THRB: variants seen among roughly 807,000 people sequenced by gnomAD.
THRB encodes thyroid hormone receptor beta, also known as nuclear receptor subfamily 1 group A member 2.
In THRB, 12 loss-of-function variants were observed where a neutral mutation model predicts 47.8. That is an observed-to-expected ratio of 0.25 (90% CI 0.16 to 0.41). The LOEUF (loss-of-function observed/expected upper bound fraction) is 0.41. THRB is among the 10% of genes least tolerant of loss of function. The pLI is 1.00. For missense variants in THRB, 348 were observed against 589.2 expected, an observed-to-expected ratio of 0.59 and a Z score of 4.24; for synonymous variants, 218 against 212.2, an observed-to-expected ratio of 1.03 and a Z score of -0.24.
intron 3 of THRB, among the ~76,000 whole-genome samples, chr3:24,294,794 T>G (rs547652094): frequency 6.6e-6 from 1 of 152,292 alleles, no homozygotes; most frequent in African/African-American, 2.4e-5. Context: ...GGGTCTAGAA[T>G]TCTGTATTTC....
chr3:24,418,072 C>T (rs928140790), intron 1 of THRB, among the ~76,000 whole-genome samples: 9 of 151,348 alleles, frequency 5.9e-5, no homozygotes, highest in Non-Finnish European at 1.0e-4. Flanking sequence ...TTTTCCTTCC[C>T]TCCTCCTCCC....
At chr3:24,423,737 T>C (rs2069493074) in intron 1 of THRB, among the ~76,000 whole-genome samples, 2 of 151,888 alleles carry the variant, frequency 1.3e-5, no homozygotes, top group South Asian at 2.1e-4. Context: ...TGGGTAATTA[T>C]GTTAATCAGT....
chr3:24,363,523 C>T (rs1277326738), intron 1 of THRB, among the ~76,000 whole-genome samples: 1 of 152,094 alleles, frequency 6.6e-6, no homozygotes, highest in East Asian at 1.9e-4. Flanking sequence ...ACAACACATT[C>T]ATTTGTATGG....
At chr3:24,477,085 G>GGTGT (rs71855335) in intron 1 of THRB, among the ~76,000 whole-genome samples, 4,503 of 137,604 alleles carry the variant, frequency 0.033, 221 homozygotes, top group African/African-American at 0.11. Context: ...CATATAAAGG[G>GGTGT]GTGTGTGTGT....
intron 1 of THRB, among the ~76,000 whole-genome samples, chr3:24,345,089 G>A (rs892219544): frequency 1.3e-5 from 2 of 152,132 alleles, no homozygotes; most frequent in African/African-American, 4.8e-5. Context: ...GAAAGGCAGA[G>A]ATCAAATCCT....
At position 24,405,254 on chromosome 3, in the gene THRB, G is replaced by A. The variant is rs188727037; in HGVS notation, c.-260-67883C>T. ...AACATGTCACAGGTCTATTGCAGGC[G>A]TTGGCACGCTATATTCTGTGGGCCA... On this transcript the variant is annotated intron_variant, in intron 1 of 10. Transcript: ENST00000646209. Among the ~76,000 whole-genome samples, 14 of 152,022 alleles carry A rather than the reference G, an allele frequency of 9.2e-5. No individual in the cohort carries two copies. In the East Asian group the frequency reaches 1.2e-3, roughly 13 times the overall value.
intron 1 of THRB, among the ~76,000 whole-genome samples, chr3:24,398,829 A>G (rs1267989768): frequency 1.3e-5 from 2 of 152,180 alleles, no homozygotes; most frequent in Admixed American, 6.6e-5. Context: ...GAACCAACCC[A>G]AATGTCCAAC....
chr3:24,172,306 C>T (rs1455108430), intron 5 of THRB, among the ~76,000 whole-genome samples: 1 of 151,836 alleles, frequency 6.6e-6, no homozygotes, highest in Admixed American at 6.6e-5. Context: ...TCTTTACCAA[C>T]GAGGAAAGCT....
chr3:24,357,712 C>T (rs943218711), intron 1 of THRB, among the ~76,000 whole-genome samples: 2 of 151,986 alleles, frequency 1.3e-5, no homozygotes, highest in East Asian at 3.9e-4. Flanking sequence ...CACAGTATTC[C>T]GTTGTTCTTA....
intron 2 of THRB, among the ~76,000 whole-genome samples, chr3:24,321,008 C>T (rs1209425426): frequency 6.6e-6 from 1 of 152,176 alleles, no homozygotes; most frequent in African/African-American, 2.4e-5. Flanking sequence ...TTTCTCTTAC[C>T]AACCCTTTCC....
intron 1 of THRB, among the ~76,000 whole-genome samples, chr3:24,474,026 G>T (rs1695090397): frequency 6.6e-6 from 1 of 152,114 alleles, no homozygotes; most frequent in African/African-American, 2.4e-5. Flanking sequence ...GGGTTGATGG[G>T]TGCAGCAAAC....
At chr3:24,443,899 G>T (rs1199110442) in intron 1 of THRB, among the ~76,000 whole-genome samples, 1 of 152,074 alleles carries the variant, frequency 6.6e-6, no homozygotes, top group Non-Finnish European at 1.5e-5. Context: ...AGAGGAGGAG[G>T]TATAATTTGA....
At chr3:24,148,332 G>A (rs2036409626) in intron 6 of THRB, among the ~76,000 whole-genome samples, 1 of 152,148 alleles carries the variant, frequency 6.6e-6, no homozygotes, top group Admixed American at 6.5e-5. Flanking sequence ...TTGCCATGTT[G>A]GCCAGGCTGG....
chr3:24,169,609 TAAGTA>T (rs1225721371), intron 5 of THRB, among the ~76,000 whole-genome samples: 1 of 150,948 alleles, frequency 6.6e-6, no homozygotes, highest in Non-Finnish European at 1.5e-5. Context: ...TGAGTTTATA[TAAGTA>T]AAGCACTTAG....
intron 1 of THRB, among the ~76,000 whole-genome samples, chr3:24,457,509 T>G (rs1438667130): frequency 6.6e-6 from 1 of 152,198 alleles, no homozygotes; most frequent in East Asian, 1.9e-4. Flanking sequence ...ACCTACTTTT[T>G]AAACTATTTT....
chr3:24,433,739 C>G (rs1245045787), intron 1 of THRB, among the ~76,000 whole-genome samples: 3 of 152,094 alleles, frequency 2.0e-5, no homozygotes, highest in Admixed American at 2.0e-4. Flanking sequence ...CTATTATCAT[C>G]GACCTTATTT....
intron 8 of THRB, among the ~76,000 whole-genome samples, chr3:24,134,925 G>C (rs1358576183): frequency 6.6e-6 from 1 of 152,174 alleles, no homozygotes; most frequent in Non-Finnish European, 1.5e-5. Context: ...CTCACTTGCA[G>C]AGCAGTGAGG....
chr3:24,407,426 T>A (rs765612722), intron 1 of THRB, among the ~76,000 whole-genome samples: 6 of 151,848 alleles, frequency 4.0e-5, no homozygotes, highest in Non-Finnish European at 8.8e-5. Context: ...GGGATGTGTA[T>A]ATAATACCAG....
At chr3:24,189,766 T>C (rs1211235295) in intron 5 of THRB, among the ~76,000 whole-genome samples, 1 of 152,182 alleles carries the variant, frequency 6.6e-6, no homozygotes, top group Admixed American at 6.5e-5. Flanking sequence ...CTGTTTCTAC[T>C]CAGACCCAAA....
Sources: gnomAD v4.1 joint callset for allele counts (sites outside exome capture counted in the v4.1 genomes callset) on GRCh38, gnomAD v4.1.1 for gene constraint, MANE v1.5 for transcripts, NCBI Gene and HGNC (gene_info 2026-07-23, HGNC 2026-07-21) for gene names.